The following ELOVL6 variants were observed in gnomAD, a reference collection of about 807,000 sequenced individuals.
ELOVL6 encodes very long chain fatty acid elongase 6.
Under a neutral mutation model 31.7 loss-of-function variants are expected in ELOVL6, and 8 were observed. The observed-to-expected ratio is 0.25, with a 90% CI of 0.15 to 0.45. The LOEUF (loss-of-function observed/expected upper bound fraction) is 0.45, where lower values mean the gene tolerates loss of function less well. ELOVL6 is among the 20% of genes least tolerant of loss of function. The pLI, the probability that ELOVL6 is intolerant of heterozygous loss-of-function variation, is 1.00. For missense variants in ELOVL6, 126 were observed against 326.4 expected (o/e 0.39, Z 4.73); for synonymous variants, 101 against 117.7 (o/e 0.86, Z 0.92).
In ELOVL6 at chr4:110,065,153, T is replaced by C. The variant is rs552708582; in HGVS notation, c.222-5399A>G. 7.2e-5 allele frequency among the ~76,000 whole-genome samples: 11 copies of C among 152,346 alleles called. No individual in the cohort carries two copies. In the South Asian group the frequency reaches 2.3e-3, roughly 32 times the overall value. ...TGGCACTGAAGAGCTGAAGGGTATG[T>C]ATGTGTATATGGTTGGGAGTTTCCT... On this transcript the variant is annotated intron_variant, in intron 2 of 3. Transcript: ENST00000302274.
At position 110,116,003 on chromosome 4, in the gene ELOVL6, C is replaced by T. The variant is rs12649452; in HGVS notation, c.90-10375G>A. On this transcript the variant is annotated intron_variant, in intron 1 of 3. Coordinates refer to ENST00000302274, the MANE Select transcript of ELOVL6 (RefSeq NM_024090.3). ...TCCATGGTCACGTCACCTTATCTGA[C>T]TCTGATCCCCCCAACTCCCTGTTAA... is the stretch of plus-strand genomic sequence containing the variant. 0.018 allele frequency among the ~76,000 whole-genome samples: 2,788 copies of T among 152,232 alleles called. 215 individuals carry two copies. In the East Asian group the frequency reaches 0.19, roughly 11 times the overall value.
intron 2 of ELOVL6, among the ~76,000 whole-genome samples, chr4:110,064,091 AAAAG>A (rs1227406610): frequency 3.3e-5 from 5 of 150,070 alleles, no homozygotes; most frequent in Admixed American, 6.6e-5. Context: ...AAAAAAAAAA[AAAAG>A]AAAGAAAGAA....
intron 2 of ELOVL6, among the ~76,000 whole-genome samples, chr4:110,063,403 G>C (rs757665332): frequency 1.2e-4 from 18 of 151,482 alleles, no homozygotes; most frequent in Non-Finnish European, 2.1e-4. Flanking sequence ...CAGAGCGTGG[G>C]GTCAAGGAGG....
rs552292043 is a variant in ELOVL6, at chr4:110,080,269, C to T, written c.222-20515G>A. 3.6e-3 allele frequency among the ~76,000 whole-genome samples: 544 copies of T among 152,266 alleles called. 4 individuals carry two copies. Among genetic ancestry groups the T allele is most frequent in the African/African-American group, 0.012 (518 of 41,568 alleles). On this transcript the variant is annotated intron_variant, in intron 2 of 3. Transcript: ENST00000302274. ...GGCCAGCATCATCCTGATACCAAAGCCTGGCAGAAACAAAACAAAAAAAGA... is the reference window on the plus strand; with the variant it reads ...GGCCAGCATCATCCTGATACCAAAGTCTGGCAGAAACAAAACAAAAAAAGA...
rs530801347 is a variant in ELOVL6 at position 110,134,373 on chromosome 4, G to C, written c.90-28745C>G. ...GCACCAATTTAAGCATGGTTTGGGA[G>C]GGATAGAAGTATTAAAACACTTCTT... On this transcript the variant is annotated intron_variant, in intron 1 of 3. Transcript: ENST00000302274. 1.1e-4 allele frequency among the ~76,000 whole-genome samples: 16 copies of C among 152,254 alleles called. No individual in the cohort carries two copies. In the South Asian group the frequency reaches 3.1e-3, roughly 30 times the overall value.
At chr4:110,058,783 A>C (rs1755063902) in intron 3 of ELOVL6, among the ~76,000 whole-genome samples, 1 of 152,180 alleles carries the variant, frequency 6.6e-6, no homozygotes, top group African/African-American at 2.4e-5. Context: ...AGGTGAAAAA[A>C]AACCCAGAAC....
intron 1 of ELOVL6, among the ~76,000 whole-genome samples, chr4:110,130,357 G>T (rs1465697150): frequency 1.3e-5 from 2 of 152,178 alleles, no homozygotes; most frequent in African/African-American, 4.8e-5. Flanking sequence ...TATTTAAAGT[G>T]ACATTTGTAT....
chr4:110,141,980 T>C (rs1296286132), intron 1 of ELOVL6, among the ~76,000 whole-genome samples: 1 of 149,984 alleles, frequency 6.7e-6, no homozygotes, highest in Non-Finnish European at 1.5e-5. Context: ...ATCTTCTACC[T>C]TCAGCTCTGC....
chr4:110,070,789 A>G (rs1578453048), intron 2 of ELOVL6, among the ~76,000 whole-genome samples: 2 of 152,234 alleles, frequency 1.3e-5, no homozygotes, highest in Admixed American at 1.3e-4. Context: ...CTGCTTCCCC[A>G]GTCGCCTCCA....
chr4:110,176,799 A>T (rs1028113930), intron 1 of ELOVL6, among the ~76,000 whole-genome samples: 4 of 152,102 alleles, frequency 2.6e-5, no homozygotes, highest in Non-Finnish European at 4.4e-5. Flanking sequence ...GTGCAATGGC[A>T]CGATCTCGGC....
chr4:110,168,345 T>A (rs1173259647), intron 1 of ELOVL6, among the ~76,000 whole-genome samples: 2 of 151,688 alleles, frequency 1.3e-5, no homozygotes, highest in East Asian at 3.9e-4. Flanking sequence ...CGAAACCCCG[T>A]CTCTACTAAA....
At chr4:110,071,889 G>A (rs1186243812) in intron 2 of ELOVL6, among the ~76,000 whole-genome samples, 1 of 152,208 alleles carries the variant, frequency 6.6e-6, no homozygotes, top group Non-Finnish European at 1.5e-5. Context: ...GTTTCAGGAG[G>A]ATTTTCCAAA....
At chr4:110,069,018 G>A (rs1309679796) in intron 2 of ELOVL6, among the ~76,000 whole-genome samples, 2 of 151,912 alleles carry the variant, frequency 1.3e-5, no homozygotes, top group Non-Finnish European at 2.9e-5. Flanking sequence ...GGCAGCGCCT[G>A]TAGTCCCAGC....
chr4:110,077,849 T>G (rs1475368720), intron 2 of ELOVL6, among the ~76,000 whole-genome samples: 1 of 151,984 alleles, frequency 6.6e-6, no homozygotes, highest in Non-Finnish European at 1.5e-5. Flanking sequence ...GAAAAAAAAT[T>G]AGACGAAAGG....
At chr4:110,170,914 A>ATC (rs991346552) in intron 1 of ELOVL6, among the ~76,000 whole-genome samples, 1 of 151,972 alleles carries the variant, frequency 6.6e-6, no homozygotes, top group Non-Finnish European at 1.5e-5. Flanking sequence ...AAAAAATGGA[A>ATC]TCTCTCTCTC....
intron 1 of ELOVL6, among the ~76,000 whole-genome samples, chr4:110,105,921 G>A (rs1256938064): frequency 6.6e-6 from 1 of 152,198 alleles, no homozygotes; most frequent in African/African-American, 2.4e-5. Flanking sequence ...AGTACAAAAA[G>A]TAGTCTTTTC....
intron 2 of ELOVL6, among the ~76,000 whole-genome samples, chr4:110,100,966 G>A (rs1163889439): frequency 6.6e-6 from 1 of 152,178 alleles, no homozygotes; most frequent in Non-Finnish European, 1.5e-5. Context: ...TTATAATAAT[G>A]AAGTTTTCAT....
At chr4:110,114,451 T>C (rs920109144) in intron 1 of ELOVL6, among the ~76,000 whole-genome samples, 7 of 152,164 alleles carry the variant, frequency 4.6e-5, no homozygotes, top group African/African-American at 1.7e-4. Context: ...CTTTTCAGCT[T>C]AGGAATTCCT....
chr4:110,147,679 T>C (rs1366082691), intron 1 of ELOVL6, among the ~76,000 whole-genome samples: 5 of 151,740 alleles, frequency 3.3e-5, no homozygotes, highest in Admixed American at 2.0e-4. Context: ...TATTCCCAGA[T>C]ACTTGAGAGG....
Sources: allele counts gnomAD v4.1 joint callset (sites outside exome capture counted in the v4.1 genomes callset), GRCh38; gene constraint gnomAD v4.1.1; transcripts MANE v1.5; gene names NCBI Gene and HGNC (gene_info 2026-07-23, HGNC 2026-07-21).